Variants in STOX2 observed in about 807,000 individuals in gnomAD.
STOX2 encodes the protein storkhead-box protein 2.
STOX2 carries 28 observed loss-of-function variants against 60.9 expected under a neutral mutation model. That is an observed-to-expected ratio of 0.46 (90% confidence interval 0.34 to 0.63). The LOEUF is 0.63. Among genes scored for constraint, STOX2 ranks in the 30% least tolerant of loss-of-function variants. The pLI is 0.01. For synonymous variants in STOX2, 472 were observed against 463.9 expected, an observed-to-expected ratio of 1.02 and a Z score of -0.22; for missense variants, 1,024 against 1,187.7, an observed-to-expected ratio of 0.86 and a Z score of 2.03.
rs576025567 is a variant in STOX2, at chr4:183,962,747, A to G, written c.167-38578A>G. Among the ~76,000 whole-genome samples, 205 of 152,340 alleles carry G rather than the reference A, an allele frequency of 1.3e-3. 1 individual carries two copies. Among genetic ancestry groups the G allele is most frequent in the African/African-American group, 4.8e-3 (201 of 41,584 alleles). On this transcript the variant is annotated intron_variant, in intron 1 of 3. Transcript: ENST00000308497. ...AAGACTTTGCTCAGAAATAATTGGG[A>G]TTGGTAATACTGATGGTCTGTGAAG...
chr4:183,899,316 C>CTT (rs1741412747), intron 1 of STOX2, among the ~76,000 whole-genome samples: 1 of 152,168 alleles, frequency 6.6e-6, no homozygotes, highest in African/African-American at 2.4e-5. Flanking sequence ...ATGTCTCTTA[C>CTT]TTGAAATCAA....
At chr4:184,012,931 C>T (rs1042238975) in intron 3 of STOX2, among the ~76,000 whole-genome samples, 10 of 151,876 alleles carry the variant, frequency 6.6e-5, no homozygotes, top group South Asian at 2.1e-4. Flanking sequence ...CTTGAGTTCC[C>T]GGTAGTGGAT....
chr4:183,829,704 G>A (rs138847989), intron 1 of STOX2, among the ~76,000 whole-genome samples: 23 of 152,264 alleles, frequency 1.5e-4, no homozygotes, highest in East Asian at 1.3e-3. Context: ...GAGTCAATAC[G>A]TTCCCTGTAA....
chr4:183,989,296 G>T (rs1322782872), intron 1 of STOX2, among the ~76,000 whole-genome samples: 1 of 149,822 alleles, frequency 6.7e-6, no homozygotes, highest in African/African-American at 2.4e-5. Flanking sequence ...TCCGCTTCCC[G>T]GGTTCAAGCG....
chr4:183,993,805 A>G (rs1430564971), intron 1 of STOX2, among the ~76,000 whole-genome samples: 1 of 152,210 alleles, frequency 6.6e-6, no homozygotes, highest in Non-Finnish European at 1.5e-5. Flanking sequence ...TTCGAAAGTC[A>G]AGAATAGTCA....
upstream of STOX2, among the ~76,000 whole-genome samples, chr4:183,905,129 G>A (rs1218727252): frequency 6.6e-6 from 1 of 152,222 alleles, no homozygotes; most frequent in Non-Finnish European, 1.5e-5. Flanking sequence ...TGAATGAACG[G>A]CAGTGCAAAG....
intron 1 of STOX2, among the ~76,000 whole-genome samples, chr4:183,890,667 G>C (rs1741188413): frequency 6.6e-6 from 1 of 152,184 alleles, no homozygotes; most frequent in South Asian, 2.1e-4. Flanking sequence ...GCACAGAGTT[G>C]AATCAGTCTA....
intron 2 of STOX2, among the ~76,000 whole-genome samples, chr4:184,003,316 G>A (rs991021909): frequency 6.6e-6 from 1 of 152,214 alleles, no homozygotes; most frequent in African/African-American, 2.4e-5. Flanking sequence ...AGAACATACA[G>A]CCAGTGTGTA....
chr4:183,966,428 A>G (rs1743570815), intron 1 of STOX2, among the ~76,000 whole-genome samples: 1 of 152,268 alleles, frequency 6.6e-6, no homozygotes, highest in Non-Finnish European at 1.5e-5. Flanking sequence ...CCAAAGCTGG[A>G]AAGAACCACA....
At chr4:183,900,558 T>A (rs1467599454), upstream of STOX2, among the ~76,000 whole-genome samples, 1 of 152,214 alleles carries the variant, frequency 6.6e-6, no homozygotes, top group Non-Finnish European at 1.5e-5. Context: ...TTAATGAATG[T>A]TCCGTATACT....
chr4:183,931,668 G>C (rs1478246829), intron 1 of STOX2, among the ~76,000 whole-genome samples: 1 of 152,158 alleles, frequency 6.6e-6, no homozygotes, highest in Non-Finnish European at 1.5e-5. Flanking sequence ...TGAGTCTGTA[G>C]GGTAAGGTGA....
intron 1 of STOX2, among the ~76,000 whole-genome samples, chr4:183,977,352 A>G (rs908889205): frequency 5.9e-5 from 9 of 152,148 alleles, no homozygotes; most frequent in African/African-American, 2.2e-4. Context: ...AAGGCACAAC[A>G]TGAAGGAGTT....
At chr4:183,891,847 C>A (rs929368300) in intron 1 of STOX2, among the ~76,000 whole-genome samples, 7 of 151,942 alleles carry the variant, frequency 4.6e-5, no homozygotes, top group African/African-American at 1.7e-4. Flanking sequence ...AGCCCTGAAC[C>A]AGGTATAGTG....
chr4:184,003,924 C>T (rs942317863), intron 2 of STOX2, among the ~76,000 whole-genome samples: 1 of 145,024 alleles, frequency 6.9e-6, no homozygotes, highest in Admixed American at 7.0e-5. Context: ...CTACCTTTCT[C>T]CTTTCCTTCC....
At chr4:183,883,739 G>C (rs1262670034) in intron 1 of STOX2, among the ~76,000 whole-genome samples, 1 of 152,132 alleles carries the variant, frequency 6.6e-6, no homozygotes. Context: ...TGCTGTAAAG[G>C]TCTTCTTCAG....
chr4:183,928,291 C>A (rs1021391628), intron 1 of STOX2, among the ~76,000 whole-genome samples: 7 of 152,128 alleles, frequency 4.6e-5, no homozygotes, highest in African/African-American at 1.7e-4. Flanking sequence ...CCACGAAATG[C>A]TTATAGCCCC....
intron 1 of STOX2, among the ~76,000 whole-genome samples, chr4:183,971,552 C>G (rs1484303303): frequency 6.6e-6 from 1 of 152,096 alleles, no homozygotes; most frequent in Non-Finnish European, 1.5e-5. Flanking sequence ...AATAGTTGGC[C>G]AAAGAGGCCA....
intron 1 of STOX2, among the ~76,000 whole-genome samples, chr4:183,826,275 C>T (rs1739429182): frequency 6.6e-6 from 1 of 152,152 alleles, no homozygotes; most frequent in Non-Finnish European, 1.5e-5. Context: ...CTGTTCTCAT[C>T]ACCACTGCTA....
intron 1 of STOX2, among the ~76,000 whole-genome samples, chr4:183,983,623 T>G (rs1000238645): frequency 1.3e-5 from 2 of 152,200 alleles, no homozygotes; most frequent in African/African-American, 4.8e-5. Flanking sequence ...CCTTCCCTCC[T>G]GGGAGTTGCC....
Sources: gnomAD v4.1 joint callset for allele counts (sites outside exome capture counted in the v4.1 genomes callset) on GRCh38, gnomAD v4.1.1 for gene constraint, MANE v1.5 for transcripts, NCBI Gene and HGNC (gene_info 2026-07-23, HGNC 2026-07-21) for gene names.